The following FBXW10B variants were observed in gnomAD, a reference collection of about 807,000 sequenced individuals.
The protein encoded by FBXW10B is F-box and WD repeat domain containing 10B.
chr17:15,589,959 A>C, the FBXW10B span, among the ~76,000 whole-genome samples: 1 of 152,220 alleles, frequency 6.6e-6, no homozygotes, highest in African/African-American at 2.4e-5. Flanking sequence ...ATGAATCTAC[A>C]AATACCATAT....
the FBXW10B span, chr17:15,619,047 T>C: frequency 1.2e-6 from 2 of 1,613,868 alleles, no homozygotes; most frequent in South Asian, 2.2e-5. Context: ...AGGACTCTGA[T>C]CACATTGGCA....
chr17:15,601,000 G>A, the FBXW10B span, among the ~76,000 whole-genome samples: 1 of 119,688 alleles, frequency 8.4e-6, no homozygotes, highest in Non-Finnish European at 1.6e-5. Context: ...ACAGTGAGCC[G>A]AGATCGCGTC....
chr17:15,589,209 G>C, the FBXW10B span: 1 of 1,613,808 alleles, frequency 6.2e-7, no homozygotes, highest in Non-Finnish European at 8.5e-7. Context: ...CAAATGTGCT[G>C]ATGTGGCAGA....
chr17:15,589,874 C>T, the FBXW10B span, among the ~76,000 whole-genome samples: 1 of 152,136 alleles, frequency 6.6e-6, no homozygotes, highest in East Asian at 1.9e-4. Context: ...ATTTGGCAAG[C>T]TTACAAATGC....
the FBXW10B span, chr17:15,613,551 A>T: frequency 7.3e-7 from 1 of 1,364,858 alleles, no homozygotes; most frequent in South Asian, 1.4e-5. Flanking sequence ...CCACAGTCAT[A>T]TCAGCCTCAA....
chr17:15,577,848 T>G, the FBXW10B span, among the ~76,000 whole-genome samples: 26,222 of 151,438 alleles, frequency 0.17, 4,815 homozygotes, highest in East Asian at 0.46. Context: ...CAAAGTCACT[T>G]CACTGAAAAA....
chr17:15,601,275 G>C, the FBXW10B span, among the ~76,000 whole-genome samples: 1 of 149,570 alleles, frequency 6.7e-6, no homozygotes, highest in Non-Finnish European at 1.5e-5. Flanking sequence ...CAGGCGTGGT[G>C]GTGGGCGCCT....
the FBXW10B span, among the ~76,000 whole-genome samples, chr17:15,600,466 T>C: frequency 6.7e-6 from 1 of 148,846 alleles, no homozygotes; most frequent in South Asian, 2.2e-4. Context: ...AATATGGTGG[T>C]ATATGTCTTC....
the FBXW10B span, among the ~76,000 whole-genome samples, chr17:15,590,178 G>A: frequency 1.3e-5 from 2 of 151,452 alleles, no homozygotes; most frequent in East Asian, 3.9e-4. Flanking sequence ...CCCACATGGG[G>A]CTAATAATCT....
the FBXW10B span, chr17:15,612,738 A>G: frequency 6.2e-7 from 1 of 1,614,062 alleles, no homozygotes; most frequent in Non-Finnish European, 8.5e-7. Flanking sequence ...TTTCACACGC[A>G]TGCTCTTCCC....
the FBXW10B span, chr17:15,594,739 G>A: frequency 6.2e-7 from 1 of 1,613,638 alleles, no homozygotes; most frequent in African/African-American, 1.3e-5. Flanking sequence ...GGGCTTCACA[G>A]GCACCTACTT....
chr17:15,588,113 G>T, the FBXW10B span, among the ~76,000 whole-genome samples: 4 of 152,210 alleles, frequency 2.6e-5, no homozygotes, highest in East Asian at 7.7e-4. Context: ...CATTATCATT[G>T]TAGAGTTTTA....
At chr17:15,589,280 T>C in the FBXW10B span, 1 of 1,601,764 alleles carries the variant, frequency 6.2e-7, no homozygotes, top group African/African-American at 1.3e-5. Context: ...TGGGTGCACA[T>C]GACATACACT....
At chr17:15,588,185 A>T in the FBXW10B span, among the ~76,000 whole-genome samples, 1 of 152,364 alleles carries the variant, frequency 6.6e-6, no homozygotes, top group East Asian at 1.9e-4. Flanking sequence ...TCCCGTGTCC[A>T]TAAGTCACGT....
chr17:15,604,377 T>C, the FBXW10B span, among the ~76,000 whole-genome samples: 1 of 152,206 alleles, frequency 6.6e-6, no homozygotes, highest in Non-Finnish European at 1.5e-5. Flanking sequence ...AAGGGAATCA[T>C]TAGTATAAAA....
the FBXW10B span, among the ~76,000 whole-genome samples, chr17:15,581,710 C>T: frequency 6.6e-6 from 1 of 151,896 alleles, no homozygotes; most frequent in Non-Finnish European, 1.5e-5. Flanking sequence ...GGACCAGCAT[C>T]ACATTGGTAA....
the FBXW10B span, among the ~76,000 whole-genome samples, chr17:15,614,927 C>A: frequency 2.0e-5 from 3 of 152,128 alleles, no homozygotes; most frequent in Non-Finnish European, 2.9e-5. Flanking sequence ...TCCAATACTG[C>A]AAAAATAGCC....
At chr17:15,618,027 T>C in the FBXW10B span, among the ~76,000 whole-genome samples, 2 of 152,098 alleles carry the variant, frequency 1.3e-5, no homozygotes, top group Non-Finnish European at 2.9e-5. Flanking sequence ...GCTGGAAACT[T>C]GTTAGAAATA....
At chr17:15,601,176 G>C in the FBXW10B span, among the ~76,000 whole-genome samples, 1 of 150,640 alleles carries the variant, frequency 6.6e-6, no homozygotes, top group Non-Finnish European at 1.5e-5. Context: ...TTGGGAGGCC[G>C]AGGCGGGCGG....
Sources: allele counts gnomAD v4.1 joint callset (sites outside exome capture counted in the v4.1 genomes callset), GRCh38; gene constraint gnomAD v4.1.1; transcripts MANE v1.5; gene names NCBI Gene and HGNC (gene_info 2026-07-23, HGNC 2026-07-21).